Variants in RBFOX3 observed in about 807,000 individuals in gnomAD.
RBFOX3 encodes the protein RNA binding fox-1 homolog 3.
RBFOX3 carries 17 observed loss-of-function variants against 48.7 expected under a neutral mutation model. That is an observed-to-expected ratio of 0.35 (90% confidence interval 0.24 to 0.52). RBFOX3 has a LOEUF of 0.52. Among genes scored for constraint, RBFOX3 ranks in the 20% least tolerant of loss-of-function variants. RBFOX3 has a pLI of 0.94. For synonymous variants in RBFOX3, 212 were observed against 209.5 expected (o/e 1.01, Z -0.10); for missense variants, 382 against 497.5 (o/e 0.77, Z 2.21).
chr17:79,118,601 A>G (rs1404466575), intron 4 of RBFOX3, among the ~76,000 whole-genome samples: 1 of 152,008 alleles, frequency 6.6e-6, no homozygotes. Context: ...TTGCTGATAA[A>G]TATTTGATTA....
At chr17:79,109,745 A>AC (rs1179228083) in intron 5 of RBFOX3, among the ~76,000 whole-genome samples, 2 of 152,136 alleles carry the variant, frequency 1.3e-5, no homozygotes, top group Non-Finnish European at 2.9e-5. Context: ...AGAGGGGCAC[A>AC]CAGCTCTGGC....
At chr17:79,597,164 C>T (rs2093591288) in intron 1 of RBFOX3, among the ~76,000 whole-genome samples, 1 of 152,162 alleles carries the variant, frequency 6.6e-6, no homozygotes, top group African/African-American at 2.4e-5. Flanking sequence ...ACTGTGAGCT[C>T]GTGAGTTTGC....
intron 4 of RBFOX3, among the ~76,000 whole-genome samples, chr17:79,125,456 G>A (rs2036947975): frequency 6.6e-6 from 1 of 152,378 alleles, no homozygotes; most frequent in South Asian, 2.1e-4. Context: ...CTGGCCCAGT[G>A]TGTTCTCTAC....
At chr17:79,236,422 G>T (rs1039132419) in intron 3 of RBFOX3, among the ~76,000 whole-genome samples, 1 of 152,104 alleles carries the variant, frequency 6.6e-6, no homozygotes, top group South Asian at 2.1e-4. Flanking sequence ...CCTAGTAGCT[G>T]GGAGTACAGG....
At chr17:79,166,897 G>C (rs1599765658) in intron 4 of RBFOX3, among the ~76,000 whole-genome samples, 1 of 152,204 alleles carries the variant, frequency 6.6e-6, no homozygotes, top group African/African-American at 2.4e-5. Flanking sequence ...CTGCCAAAGA[G>C]TGAATTTTAC....
chr17:79,284,696 C>T (rs147131669), intron 3 of RBFOX3, among the ~76,000 whole-genome samples: 6 of 152,246 alleles, frequency 3.9e-5, no homozygotes, highest in South Asian at 2.1e-4. Context: ...CTCATCACCA[C>T]GTCCGGGTAA....
At chr17:79,216,190 T>G (rs1045463389) in intron 4 of RBFOX3, among the ~76,000 whole-genome samples, 7 of 152,080 alleles carry the variant, frequency 4.6e-5, no homozygotes, top group African/African-American at 1.7e-4. Context: ...CCCAGCTGGG[T>G]GGGGAGAGCA....
intron 2 of RBFOX3, among the ~76,000 whole-genome samples, chr17:79,399,024 G>A (rs1351845854): frequency 1.3e-5 from 2 of 152,202 alleles, no homozygotes; most frequent in African/African-American, 4.8e-5. Context: ...ACATGCATGA[G>A]AGAAGGACGC....
Position 79,473,569 on chromosome 17 carries a change from G to T in RBFOX3, c.-175+8885C>A, listed in dbSNP as rs2077313040. On this transcript the variant is annotated intron_variant, in intron 2 of 14. Transcript: ENST00000693108. The surrounding 1 kb of genome is among the most constrained non-coding windows in gnomAD (Gnocchi z 4.2). Reference sequence around the variant, plus strand: ...AAGTTGTGTTACGAGTGTATTATTTGATCTTTGTTGAACTTGGGTTTATCT... The same window carrying T: ...AAGTTGTGTTACGAGTGTATTATTTTATCTTTGTTGAACTTGGGTTTATCT... 6.6e-6 allele frequency among the ~76,000 whole-genome samples: 1 copy of T among 152,146 alleles called. No individual in the cohort carries two copies. The highest frequency in any genetic ancestry group is 6.5e-5 in the Admixed American group (1 of 15,270).
At chr17:79,501,992 G>A (rs2082438538) in intron 1 of RBFOX3, among the ~76,000 whole-genome samples, 4 of 152,188 alleles carry the variant, frequency 2.6e-5, no homozygotes, top group Admixed American at 6.5e-5. Flanking sequence ...GCAGCACCCG[G>A]CCAGGGTGAA....
chr17:79,560,691 C>T (rs912205358), intron 1 of RBFOX3, among the ~76,000 whole-genome samples: 12 of 152,136 alleles, frequency 7.9e-5, no homozygotes, highest in Admixed American at 5.2e-4. Context: ...CCAGAACACT[C>T]GTGGCGGGAA....
At chr17:79,559,664 T>TGGATGGATGGGG (rs1568415638) in intron 1 of RBFOX3, among the ~76,000 whole-genome samples, 2 of 85,254 alleles carry the variant, frequency 2.3e-5, no homozygotes, top group Non-Finnish European at 4.9e-5. Context: ...GATGGATGGG[T>TGGATGGATGGGG]GGGTGGGTGG....
chr17:79,173,861 C>T (rs1599802828), intron 4 of RBFOX3, among the ~76,000 whole-genome samples: 1 of 150,876 alleles, frequency 6.6e-6, no homozygotes, highest in African/African-American at 2.4e-5. Context: ...GAGACCCTCT[C>T]CCCACGCTGA....
chr17:79,269,434 C>T (rs1031672526), intron 3 of RBFOX3, among the ~76,000 whole-genome samples: 1 of 152,156 alleles, frequency 6.6e-6, no homozygotes, highest in African/African-American at 2.4e-5. Context: ...CAGGACTCCT[C>T]GCAGGCAGCA....
At chr17:79,516,493 T>A (rs912439056) in intron 1 of RBFOX3, among the ~76,000 whole-genome samples, 1 of 152,252 alleles carries the variant, frequency 6.6e-6, no homozygotes, top group South Asian at 2.1e-4. Context: ...AATATTCACG[T>A]CCAGCCCAGA....
At chr17:79,166,475 G>GA (rs33966525) in intron 4 of RBFOX3, among the ~76,000 whole-genome samples, 2 of 7,904 alleles carry the variant, frequency 2.5e-4, no homozygotes, top group Non-Finnish European at 3.8e-3. Context: ...CACAGATGAA[G>GA]GGGAGTCCAA....
At chr17:79,470,697 G>C (rs2076958568) in intron 2 of RBFOX3, among the ~76,000 whole-genome samples, 1 of 152,176 alleles carries the variant, frequency 6.6e-6, no homozygotes, top group Non-Finnish European at 1.5e-5. Context: ...CAAAGTGTCT[G>C]GGGGAACTAT....
chr17:79,595,688 A>G (rs1182600375), intron 1 of RBFOX3, among the ~76,000 whole-genome samples: 2 of 152,206 alleles, frequency 1.3e-5, no homozygotes, highest in African/African-American at 4.8e-5. Flanking sequence ...CCTCTAAGCC[A>G]GCCGCCAAGT....
At position 79,409,229 on chromosome 17, in the gene RBFOX3, T is replaced by C. The variant is rs1263314104; in HGVS notation, c.-175+73225A>G. On this transcript the variant is annotated intron_variant, in intron 2 of 14. Coordinates refer to ENST00000693108, the MANE Select transcript of RBFOX3 (RefSeq NM_001350451.2). ...ACTCCCTTGCGTGGCCCTACCACGT[T>C]TTGTGTGTCCATTCTCCAGCTGACA... is the stretch of plus-strand genomic sequence containing the variant. 4.6e-5 allele frequency among the ~76,000 whole-genome samples: 7 copies of C among 152,200 alleles called. No homozygotes were observed. In the East Asian group the frequency reaches 1.3e-3, roughly 29 times the overall value.
Sources: allele counts gnomAD v4.1 joint callset (sites outside exome capture counted in the v4.1 genomes callset), GRCh38; gene constraint gnomAD v4.1.1; non-coding constraint Gnocchi (gnomAD v3.1); transcripts MANE v1.5; gene names NCBI Gene and HGNC (gene_info 2026-07-23, HGNC 2026-07-21).